The following MTUS1 variants were observed in gnomAD, a reference collection of about 807,000 sequenced individuals.
MTUS1 encodes the protein microtubule associated scaffold protein 1.
MTUS1 carries 109 observed loss-of-function variants against 120.8 expected under a neutral mutation model. That is an observed-to-expected ratio of 0.90 (90% CI 0.77 to 1.06). The LOEUF (loss-of-function observed/expected upper bound fraction) is 1.06. Ranked by LOEUF, MTUS1 falls within the 50% of genes least tolerant of loss-of-function variation. The pLI is 0.00. For missense variants in MTUS1, 2,210 were observed against 1,486.3 expected (o/e 1.49, Z -8.01); for synonymous variants, 737 against 550.5 (o/e 1.34, Z -4.74).
At chr8:17,763,382 G>A (rs977247972) in intron 1 of MTUS1, among the ~76,000 whole-genome samples, 113 of 152,204 alleles carry the variant, frequency 7.4e-4, no homozygotes, top group African/African-American at 2.6e-3. Flanking sequence ...CTCATATTTT[G>A]CATCTAGAAA....
intron 1 of MTUS1, among the ~76,000 whole-genome samples, chr8:17,782,128 A>G (rs2050917616): frequency 1.3e-5 from 2 of 152,252 alleles, no homozygotes; most frequent in Non-Finnish European, 2.9e-5. Context: ...GATTTTAGCC[A>G]GGAAATTTCA....
intron 8 of MTUS1, among the ~76,000 whole-genome samples, chr8:17,657,078 A>AG (rs1317369849): frequency 2.0e-5 from 3 of 151,006 alleles, no homozygotes; most frequent in East Asian, 3.9e-4. Flanking sequence ...AAAAAAAAAA[A>AG]AAAGAAACAA....
intron 12 of MTUS1, among the ~76,000 whole-genome samples, chr8:17,652,225 G>A (rs1807161928): frequency 6.6e-6 from 1 of 152,168 alleles, no homozygotes. Context: ...AAGGACAAAT[G>A]TGCCACAAGA....
At chr8:17,713,075 G>T in intron 6 of MTUS1, 139 bp downstream of exon 6, 1 of 711,694 alleles carries the variant, frequency 1.4e-6, no homozygotes, top group East Asian at 2.6e-5. Flanking sequence ...TATGCGACCC[G>T]TCATAAAAAG....
intron 8 of MTUS1, 148 bp from the exon 9 acceptor site, chr8:17,656,213 A>T: frequency 2.8e-6 from 2 of 716,248 alleles, no homozygotes; most frequent in Non-Finnish European, 4.7e-6. Flanking sequence ...CAAATATAAC[A>T]GTATGGAAGT....
At chr8:17,652,421 C>A (rs952231007) in intron 12 of MTUS1, among the ~76,000 whole-genome samples, 1 of 152,082 alleles carries the variant, frequency 6.6e-6, no homozygotes, top group Non-Finnish European at 1.5e-5. Flanking sequence ...TCAACCTTTT[C>A]TATTCATTCC....
intron 2 of MTUS1, among the ~76,000 whole-genome samples, chr8:17,746,074 A>G (rs2047720064): frequency 6.6e-6 from 1 of 152,312 alleles, no homozygotes; most frequent in African/African-American, 2.4e-5. Context: ...CTGTGAGTCA[A>G]TTAAACCTCT....
In MTUS1 at chr8:17,723,602, T is replaced by TGCAGA. The variant is rs1304665870; in HGVS notation, c.2449+65_2449+69dup. 1.1e-5 allele frequency: 16 copies of TGCAGA among 1,483,732 alleles called. 1 individual carries two copies. Among genetic ancestry groups the TGCAGA allele is most frequent in the Non-Finnish European group, 1.5e-5 (16 of 1,061,880 alleles). 91.9% of individuals were successfully genotyped at this position (1,483,732 alleles called of 1,614,324 possible). ...CCCAGAAACAAAAATTCTAATTATT[T>TGCAGA]GCAGAGCATTAGTTTTTCTTGTAAT... is the stretch of plus-strand genomic sequence containing the variant. On this transcript the variant is annotated intron_variant, in intron 4 of 14. Coordinates refer to ENST00000693296, the MANE Select transcript of MTUS1 (RefSeq NM_001363059.2).
At chr8:17,752,935 A>G (rs1156439527) in intron 2 of MTUS1, among the ~76,000 whole-genome samples, 1 of 152,204 alleles carries the variant, frequency 6.6e-6, no homozygotes, top group South Asian at 2.1e-4. Context: ...TCTACACACT[A>G]TTCTCAAAAA....
chr8:17,697,344 T>G, intron 6 of MTUS1: 1 of 1,614,132 alleles, frequency 6.2e-7, no homozygotes, highest in Non-Finnish European at 8.5e-7. Context: ...CGTATGTGAA[T>G]GGTGGATAAG....
Position 17,720,133 on chromosome 8 carries a change from T to G in MTUS1, c.2449+3539A>C, listed in dbSNP as rs189183720. On this transcript the variant is annotated intron_variant, in intron 4 of 14. Coordinates refer to ENST00000693296, the MANE Select transcript of MTUS1 (RefSeq NM_001363059.2). ...GCAGACGCAGGCATATCACTTGTGG[T>G]TAGGAGTTCGAGACCATCCTGGCCA... Among the ~76,000 whole-genome samples the G allele has an allele frequency of 2.5e-4, 38 of 152,138 alleles. No individual in the cohort carries two copies. In the East Asian group the frequency reaches 6.0e-3, roughly 24 times the overall value.
intron 1 of MTUS1, chr8:17,780,950 C>G (rs1412185097): frequency 6.6e-6 from 1 of 152,196 alleles, no homozygotes; most frequent in African/African-American, 2.4e-5. Context: ...TCAGATGACA[C>G]AGCTTACACT....
Position 17,684,406 on chromosome 8 carries a change from C to T in MTUS1, c.2760G>A (p.Leu920=). 1.2e-6 allele frequency: 2 copies of T among 1,614,188 alleles called. No individual in the cohort carries two copies. Among genetic ancestry groups the T allele is most frequent in the Non-Finnish European group, 1.7e-6 (2 of 1,180,022 alleles). ...TKCENQSGFI[L]QLKQLLACGN... ...CACAGGCAAGAAGCTGCTTGAGCTG[C>T]AGGATAAATCCACTTTGGTTTTCAC... is the stretch of plus-strand genomic sequence containing the variant. The change falls in exon 7 of 15, where the codon CTG becomes CTA. Residue 920 remains leucine, a synonymous_variant. Coordinates refer to ENST00000693296, the MANE Select transcript of MTUS1 (RefSeq NM_001363059.2).
rs1467141393 is a variant in MTUS1 at position 17,754,451 on chromosome 8, T to C, written c.1357A>G (p.Lys453Glu). 4 of 1,614,100 alleles carry C rather than the reference T, an allele frequency of 2.5e-6. No individual in the cohort carries two copies. The highest frequency in any genetic ancestry group is 4.5e-5 in the East Asian group (2 of 44,900). ...AGCCCTCGATTACCCTTCTCCACTT[T>C]CTTACATTTCTCCGTCGCTTCAATC... ...SPIEATEKCK[K>E]VEKGNRGLKN... The change falls in exon 2 of 15, where the codon AAA becomes GAA. Residue 453 changes from lysine (K) to glutamate (E), a missense_variant. Transcript: ENST00000693296.
At chr8:17,680,152 G>T (rs909879335) in intron 7 of MTUS1, among the ~76,000 whole-genome samples, 1 of 152,038 alleles carries the variant, frequency 6.6e-6, no homozygotes, top group Non-Finnish European at 1.5e-5. Flanking sequence ...AGATCTAGAA[G>T]GCCAGGAAAT....
At chr8:17,666,486 G>A (rs1259579270) in intron 8 of MTUS1, among the ~76,000 whole-genome samples, 3 of 152,100 alleles carry the variant, frequency 2.0e-5, no homozygotes, top group African/African-American at 4.8e-5. Flanking sequence ...AGATATGTAT[G>A]TATTTTTTTA....
At chr8:17,792,691 C>G (rs1267420240) in intron 1 of MTUS1, among the ~76,000 whole-genome samples, 1 of 152,220 alleles carries the variant, frequency 6.6e-6, no homozygotes, top group African/African-American at 2.4e-5. Flanking sequence ...TGGGGAAATT[C>G]TGTCTCTACC....
chr8:17,736,827 C>T (rs2046966805), intron 3 of MTUS1, among the ~76,000 whole-genome samples: 1 of 152,172 alleles, frequency 6.6e-6, no homozygotes. Context: ...TCAAGTGATC[C>T]ATCTGCCTTG....
intron 5 of MTUS1, among the ~76,000 whole-genome samples, chr8:17,714,407 T>C (rs914443835): frequency 2.0e-5 from 3 of 152,090 alleles, no homozygotes; most frequent in Admixed American, 1.3e-4. Context: ...ATATTAACAA[T>C]CCAAAGAGTT....
Sources: allele counts gnomAD v4.1 joint callset (sites outside exome capture counted in the v4.1 genomes callset), GRCh38; gene constraint gnomAD v4.1.1; transcripts MANE v1.5; gene names NCBI Gene and HGNC (gene_info 2026-07-23, HGNC 2026-07-21).